Variants in MREG observed in about 807,000 individuals in gnomAD.
MREG encodes melanoregulin.
Under a neutral mutation model 28.5 loss-of-function variants are expected in MREG, and 31 were observed. The ratio of observed to expected loss-of-function variants is 1.09; its 90% CI spans 0.82 to 1.47. The LOEUF is 1.47. Among genes scored for constraint, MREG ranks in the 40% most tolerant of loss-of-function variants. The pLI, the probability that MREG is intolerant of heterozygous loss-of-function variation, is 0.00. For missense variants in MREG, 256 were observed against 257.4 expected (o/e 0.99, Z 0.04); for synonymous variants, 106 against 95.2 (o/e 1.11, Z -0.66).
chr2:215,988,459 C>T (rs1206694152), intron 2 of MREG, among the ~76,000 whole-genome samples: 1 of 152,172 alleles, frequency 6.6e-6, no homozygotes, highest in Non-Finnish European at 1.5e-5. Context: ...AAGCATAAAA[C>T]GAAGTGGCCG....
chr2:215,961,134 G>A (rs1692773586), intron 2 of MREG, among the ~76,000 whole-genome samples: 1 of 152,230 alleles, frequency 6.6e-6, no homozygotes, highest in South Asian at 2.1e-4. Context: ...GGCAGGGGGT[G>A]GAGGCCAGGA....
rs150615236 is a variant in MREG at position 216,027,901 on chromosome 2, G to A, written c.-68+4888C>T. ...AAAGCATTCTAAATCTGAAAATGTC[G>A]AATAAATTTTCAAAGACACTAAATT... On this transcript the variant is annotated intron_variant, in intron 1 of 3. Transcript: ENST00000420348. 2.8e-3 allele frequency among the ~76,000 whole-genome samples: 429 copies of A among 152,138 alleles called. 1 individual carries two copies. The highest frequency in any genetic ancestry group is 9.4e-3 in the African/African-American group (391 of 41,504).
intron 2 of MREG, among the ~76,000 whole-genome samples, chr2:215,971,616 T>C (rs934543917): frequency 2.0e-5 from 3 of 152,174 alleles, no homozygotes; most frequent in African/African-American, 7.2e-5. Flanking sequence ...AGATGAGAAG[T>C]TCGCATAAAG....
At chr2:216,005,563 T>C (rs1694130142) in intron 1 of MREG, among the ~76,000 whole-genome samples, 1 of 150,930 alleles carries the variant, frequency 6.6e-6, no homozygotes, top group African/African-American at 2.4e-5. Context: ...GTGATTCTTC[T>C]TCCTCAGCCT....
chr2:216,007,243 T>C (rs1694178408), intron 1 of MREG, among the ~76,000 whole-genome samples: 2 of 152,158 alleles, frequency 1.3e-5, no homozygotes, highest in South Asian at 4.2e-4. Context: ...TCAATACTAG[T>C]GATGTTTCCA....
intron 2 of MREG, among the ~76,000 whole-genome samples, chr2:215,957,364 T>C (rs926201160): frequency 6.6e-6 from 1 of 152,190 alleles, no homozygotes; most frequent in Non-Finnish European, 1.5e-5. Context: ...GGTACTTCAG[T>C]GCTCCTCTTC....
At chr2:215,966,133 G>A (rs1291684607) in intron 2 of MREG, among the ~76,000 whole-genome samples, 4 of 152,116 alleles carry the variant, frequency 2.6e-5, no homozygotes, top group Admixed American at 6.5e-5. Context: ...TGAATCAGAG[G>A]GACAGGTCTA....
At chr2:215,957,564 G>A (rs999019660) in intron 2 of MREG, among the ~76,000 whole-genome samples, 14 of 152,348 alleles carry the variant, frequency 9.2e-5, no homozygotes, top group Admixed American at 6.5e-4. Flanking sequence ...TCTAAGGACT[G>A]AGGAGAGAAG....
chr2:215,982,631 G>T (rs1335186175), intron 2 of MREG, among the ~76,000 whole-genome samples: 1 of 152,118 alleles, frequency 6.6e-6, no homozygotes, highest in Non-Finnish European at 1.5e-5. Context: ...TCTACTCGAG[G>T]CAGGAAGCCA....
intron 1 of MREG, among the ~76,000 whole-genome samples, chr2:216,021,599 C>T (rs1479541804): frequency 6.6e-6 from 1 of 152,124 alleles, no homozygotes; most frequent in Non-Finnish European, 1.5e-5. Context: ...CCTAGTCACC[C>T]CTTTTCCAGA....
chr2:215,985,198 A>G (rs1693535447), intron 2 of MREG, among the ~76,000 whole-genome samples: 1 of 152,244 alleles, frequency 6.6e-6, no homozygotes, highest in Admixed American at 6.5e-5. Context: ...GAATAAGTTC[A>G]CTCAGTATTA....
chr2:216,012,496 A>G (rs1347189239), intron 1 of MREG, among the ~76,000 whole-genome samples: 1 of 152,116 alleles, frequency 6.6e-6, no homozygotes, highest in Non-Finnish European at 1.5e-5. Context: ...TCCTAATTCC[A>G]TTTTAAATAT....
chr2:215,987,190 A>C (rs1036530946), intron 2 of MREG, among the ~76,000 whole-genome samples: 1 of 152,234 alleles, frequency 6.6e-6, no homozygotes, highest in Non-Finnish European at 1.5e-5. Flanking sequence ...AACAGTACAT[A>C]ATATGCGATC....
intron 2 of MREG, among the ~76,000 whole-genome samples, chr2:215,966,969 G>GCCTA (rs745629228): frequency 6.6e-6 from 1 of 152,108 alleles, no homozygotes; most frequent in Non-Finnish European, 1.5e-5. Context: ...CTTTAACTGA[G>GCCTA]CCTACAGATT....
At chr2:215,948,185 C>T (rs1692369352) in intron 2 of MREG, among the ~76,000 whole-genome samples, 1 of 152,194 alleles carries the variant, frequency 6.6e-6, no homozygotes. Flanking sequence ...GCAATCAACT[C>T]ATGACTGTTT....
At chr2:215,982,347 A>AG (rs1263671023) in intron 2 of MREG, among the ~76,000 whole-genome samples, 1 of 151,590 alleles carries the variant, frequency 6.6e-6, no homozygotes, top group Non-Finnish European at 1.5e-5. Flanking sequence ...AAAAAAAAAA[A>AG]AGAAAAGAAA....
intron 2 of MREG, among the ~76,000 whole-genome samples, chr2:215,955,619 T>C (rs1298162843): frequency 6.6e-6 from 1 of 152,242 alleles, no homozygotes; most frequent in Non-Finnish European, 1.5e-5. Context: ...TGTTGTCTCT[T>C]TCCTTTCAGT....
At chr2:216,002,940 C>T (rs1694056488) in intron 1 of MREG, among the ~76,000 whole-genome samples, 1 of 148,622 alleles carries the variant, frequency 6.7e-6, no homozygotes, top group Admixed American at 6.8e-5. Context: ...CTCCTTTTTC[C>T]TTCTCTCTCA....
chr2:216,033,698 G>A (rs1169061964), upstream of MREG: 2 of 152,414 alleles, frequency 1.3e-5, no homozygotes. Flanking sequence ...TTGGAGTGGG[G>A]AGGAGACCTC....
Sources: gnomAD v4.1 joint callset for allele counts (sites outside exome capture counted in the v4.1 genomes callset) on GRCh38, gnomAD v4.1.1 for gene constraint, MANE v1.5 for transcripts, NCBI Gene and HGNC (gene_info 2026-07-23, HGNC 2026-07-21) for gene names.